DNAH7: variants seen among roughly 807,000 people sequenced by gnomAD.
DNAH7 encodes the protein dynein axonemal heavy chain 7.
In DNAH7, 397 loss-of-function variants were observed where a neutral mutation model predicts 444.6. The observed-to-expected ratio is 0.89, with a 90% CI of 0.82 to 0.97. The LOEUF is 0.97. DNAH7 is among the 50% of genes least tolerant of loss of function. The pLI is 0.00. For synonymous variants in DNAH7, 1,636 were observed against 1,624.4 expected, an observed-to-expected ratio of 1.01 and a Z score of -0.17; for missense variants, 4,902 against 4,800.8, an observed-to-expected ratio of 1.02 and a Z score of -0.62.
intron 54 of DNAH7, among the ~76,000 whole-genome samples, chr2:195,805,558 G>A (rs1050459276): frequency 6.6e-6 from 1 of 152,110 alleles, no homozygotes; most frequent in African/African-American, 2.4e-5. Context: ...GTTACTTCCA[G>A]CATAAGAGAG....
At chr2:195,997,279 G>A (rs966431928) in intron 12 of DNAH7, among the ~76,000 whole-genome samples, 8 of 152,262 alleles carry the variant, frequency 5.3e-5, no homozygotes, top group East Asian at 3.9e-4. Flanking sequence ...TTGGGAGGCC[G>A]AGGCAGGCAG....
intron 35 of DNAH7, among the ~76,000 whole-genome samples, chr2:195,883,078 A>G (rs1284721390): frequency 6.6e-6 from 1 of 152,220 alleles, no homozygotes; most frequent in Non-Finnish European, 1.5e-5. Flanking sequence ...CGAAGAAAAT[A>G]ATGCCTTTCC....
intron 17 of DNAH7, among the ~76,000 whole-genome samples, chr2:195,966,213 C>T (rs189164787): frequency 9.0e-4 from 137 of 152,098 alleles, no homozygotes; most frequent in Admixed American, 1.5e-3. Context: ...TTGACCCCAC[C>T]GCTCATTCAG....
At chr2:195,739,980 T>TTTTTG (rs540362174) in intron 64 of DNAH7, among the ~76,000 whole-genome samples, 11 of 152,112 alleles carry the variant, frequency 7.2e-5, no homozygotes, top group South Asian at 6.2e-4. Flanking sequence ...CAGTGCTGTT[T>TTTTTG]TTTTGTTTTG....
chr2:195,936,638 T>A lies in DNAH7; in HGVS notation c.3233A>T (p.Glu1078Val), dbSNP rs201273652. ...AGTCTCAGATAGTATCTCAAGAAGT[T>A]CATCATTGGACAAAAAAAAGAATCT... is the stretch of plus-strand genomic sequence containing the variant. ...FPRFFFLSND[E>V]LLEILSETKD... The change falls in exon 20 of 65, where the codon GAA becomes GTA. Residue 1078 changes from glutamate (E) to valine (V), a missense_variant. Glu to Val is a moderately radical substitution (Grantham distance 121). Transcript: ENST00000312428. The A allele has an allele frequency of 1.7e-4, 276 of 1,605,522 alleles. 1 individual carries two copies. The highest frequency in any genetic ancestry group is 1.6e-3 in the Admixed American group (92 of 58,268).
intron 61 of DNAH7, among the ~76,000 whole-genome samples, chr2:195,762,356 G>T (rs533715023): frequency 6.6e-6 from 1 of 152,178 alleles, no homozygotes; most frequent in East Asian, 1.9e-4. Flanking sequence ...TAACAAAATG[G>T]CGGGAGTAAG....
chr2:195,780,484 C>T, intron 58 of DNAH7, among the ~76,000 whole-genome samples: 1 of 152,080 alleles, frequency 6.6e-6, no homozygotes, highest in East Asian at 1.9e-4. Flanking sequence ...CGCGGTGGCT[C>T]ACACTTGTAA....
intron 5 of DNAH7, among the ~76,000 whole-genome samples, chr2:196,040,448 C>A (rs1696668666): frequency 6.6e-6 from 1 of 152,038 alleles, no homozygotes; most frequent in Non-Finnish European, 1.5e-5. Flanking sequence ...ATGTGATACA[C>A]CACATCAACC....
At chr2:195,910,248 T>C in intron 24 of DNAH7, 53 bp from the exon 25 acceptor site, 2 of 1,386,144 alleles carry the variant, frequency 1.4e-6, no homozygotes, top group South Asian at 1.5e-5. Context: ...TTTTTTTCCA[T>C]TCACATGCCA....
At chr2:195,872,553 C>A in intron 39 of DNAH7, 84 bp from the exon 40 acceptor site, 1 of 810,940 alleles carries the variant, frequency 1.2e-6, no homozygotes, top group South Asian at 2.4e-5. Flanking sequence ...GCAGGACCAA[C>A]ATAAAATTTT....
At chr2:195,895,286 G>A in intron 29 of DNAH7, 62 bp from the exon 30 acceptor site, 1 of 1,165,794 alleles carries the variant, frequency 8.6e-7, no homozygotes, top group Non-Finnish European at 1.2e-6. Context: ...CAAATATTTT[G>A]TATTGATGGA....
rs1559233459 is a variant in DNAH7 at position 195,927,529 on chromosome 2, T to TA, written c.3472-964dup. On this transcript the variant is annotated intron_variant, in intron 21 of 64. Coordinates refer to ENST00000312428, the MANE Select transcript of DNAH7 (RefSeq NM_018897.3). Reference sequence around the variant, plus strand: ...CAAGTAAATAAATAAATAAATAAATTAATTAATTAATTAAAAAAATAGGCG... The same window carrying TA: ...CAAGTAAATAAATAAATAAATAAATTAAATTAATTAATTAAAAAAATAGGCG... Among the ~76,000 whole-genome samples, 269 of 149,074 alleles carry TA rather than the reference T, an allele frequency of 1.8e-3. 1 individual carries two copies. Among genetic ancestry groups the TA allele is most frequent in the African/African-American group, 4.7e-3 (192 of 41,094 alleles).
chr2:195,897,811 C>G (rs1040799340), intron 28 of DNAH7, 46 bp from the exon 29 acceptor site: 1 of 1,119,412 alleles, frequency 8.9e-7, no homozygotes, highest in Non-Finnish European at 1.3e-6. Flanking sequence ...CATCTCCTAA[C>G]AGCACCTACC....
intron 63 of DNAH7, among the ~76,000 whole-genome samples, chr2:195,746,602 C>T (rs868694310): frequency 2.0e-5 from 3 of 152,324 alleles, no homozygotes; most frequent in African/African-American, 7.2e-5. Context: ...GGAAGTAAAG[C>T]TGTCCTCAGC....
chr2:195,840,449 A>G (rs1470424301), intron 47 of DNAH7, among the ~76,000 whole-genome samples: 1 of 151,780 alleles, frequency 6.6e-6, no homozygotes, highest in Non-Finnish European at 1.5e-5. Flanking sequence ...AAAAGGCAAC[A>G]GTGTCTGATT....
chr2:195,911,758 T>C (rs1427492854), intron 24 of DNAH7, among the ~76,000 whole-genome samples: 1 of 152,164 alleles, frequency 6.6e-6, no homozygotes, highest in African/African-American at 2.4e-5. Context: ...ATTTAATAAC[T>C]GAGCAAAGAC....
At chr2:195,977,997 G>A (rs571301520) in intron 15 of DNAH7, among the ~76,000 whole-genome samples, 1 of 152,136 alleles carries the variant, frequency 6.6e-6, no homozygotes, top group Non-Finnish European at 1.5e-5. Context: ...GAATATTAAA[G>A]GGAGTTCTTC....
rs1422481953 is a variant in DNAH7 at position 195,881,970 on chromosome 2, C to A, written c.5786G>T (p.Trp1929Leu). Reference sequence around the variant, plus strand: ...AGGAGCTTCTTTCAATTTCTTTATCCATGGTTCCCATTTTCCTATTCCCTG... The same window carrying A: ...AGGAGCTTCTTTCAATTTCTTTATCAATGGTTCCCATTTTCCTATTCCCTG... ...VTEGIGKWEP[W>L]IKKLKEAPPI... The change falls in exon 36 of 65, where the codon TGG becomes TTG. Residue 1929 changes from tryptophan (W) to leucine (L), a missense_variant. Physicochemically the swap from Trp to Leu is moderately conservative, Grantham distance 61. Transcript: ENST00000312428. 3 of 1,613,528 alleles carry A rather than the reference C, an allele frequency of 1.9e-6. No individual in the cohort carries two copies. In the African/African-American group the frequency reaches 4.0e-5, roughly 22 times the overall value.
intron 61 of DNAH7, among the ~76,000 whole-genome samples, chr2:195,769,982 T>C (rs570572156): frequency 6.6e-6 from 1 of 152,320 alleles, no homozygotes; most frequent in African/African-American, 2.4e-5. Flanking sequence ...ATATAATTCT[T>C]GATTTTCTAC....
Sources: allele counts gnomAD v4.1 joint callset (sites outside exome capture counted in the v4.1 genomes callset), GRCh38; gene constraint gnomAD v4.1.1; transcripts MANE v1.5; gene names NCBI Gene and HGNC (gene_info 2026-07-23, HGNC 2026-07-21).